TMEM63C: variants seen among roughly 807,000 people sequenced by gnomAD.
TMEM63C encodes the protein transmembrane protein 63C.
In TMEM63C, 32 loss-of-function variants were observed where a neutral mutation model predicts 99.2. The observed-to-expected ratio is 0.32, with a 90% CI of 0.24 to 0.43. TMEM63C has a LOEUF of 0.43. Ranked by LOEUF, TMEM63C falls within the 20% of genes least tolerant of loss-of-function variation. TMEM63C has a pLI of 1.00. For missense variants in TMEM63C, 826 were observed against 1,053.0 expected (o/e 0.78, Z 2.98); for synonymous variants, 376 against 397.9 (o/e 0.94, Z 0.66).
chr14:77,244,914 T>C, intron 16 of TMEM63C, among the ~76,000 whole-genome samples: 1 of 152,228 alleles, frequency 6.6e-6, no homozygotes, highest in East Asian at 1.9e-4. Flanking sequence ...CATGCCAACC[T>C]TTTACCCAAT....
At chr14:77,211,038 G>A (rs1346460391) in intron 1 of TMEM63C, among the ~76,000 whole-genome samples, 1 of 152,196 alleles carries the variant, frequency 6.6e-6, no homozygotes, top group East Asian at 1.9e-4. Context: ...GCCCTGGGCT[G>A]TGCTGGGAAA....
In TMEM63C at chr14:77,220,959, C is replaced by G. The variant is rs1190032691; in HGVS notation, c.312+872C>G. 5.5e-3 allele frequency among the ~76,000 whole-genome samples: 69 copies of G among 12,602 alleles called. 17 individuals are homozygous for G. The highest frequency in any genetic ancestry group is 0.012 in the South Asian group (4 of 330). The allele number at this position is 12,602 out of a possible 152,430, so 8.3% of individuals were successfully genotyped here. ...ACGCCTCCCCTCCCACTCTCGCCTC[C>G]CCTCCCACTCTCGCCTCCCCTCCCA... On this transcript the variant is annotated intron_variant, in intron 5 of 23. Coordinates refer to ENST00000298351, the MANE Select transcript of TMEM63C (RefSeq NM_020431.4).
rs1378673492 is a variant in TMEM63C at position 77,257,270 on chromosome 14, A to G, written c.*544A>G. On this transcript the variant is annotated 3_prime_UTR_variant, in exon 24 of 24. Coordinates refer to ENST00000298351, the MANE Select transcript of TMEM63C (RefSeq NM_020431.4). ...CAGGGTTCCCTGCATGGGGATCTGTAAAGAGAAAGTTTCTGCACCCACCAG... is the reference window on the plus strand; with the variant it reads ...CAGGGTTCCCTGCATGGGGATCTGTGAAGAGAAAGTTTCTGCACCCACCAG... 1 of 154,110 alleles carries G rather than the reference A, an allele frequency of 6.5e-6. No homozygotes were observed. The highest frequency in any genetic ancestry group is 1.9e-4 in the East Asian group (1 of 5,222). 9.5% of individuals were successfully genotyped at this position (154,110 alleles called of 1,614,324 possible).
At chr14:77,253,630 G>A (rs1889411715) in intron 23 of TMEM63C, among the ~76,000 whole-genome samples, 1 of 152,232 alleles carries the variant, frequency 6.6e-6, no homozygotes, top group South Asian at 2.1e-4. Context: ...ACCTAGAGAG[G>A]AAGTACTTGG....
intron 1 of TMEM63C, among the ~76,000 whole-genome samples, chr14:77,204,133 T>A (rs1888355549): frequency 6.6e-6 from 1 of 152,240 alleles, no homozygotes; most frequent in Non-Finnish European, 1.5e-5. Context: ...TGGGGACTTG[T>A]TACCACGGAG....
intron 5 of TMEM63C, among the ~76,000 whole-genome samples, chr14:77,220,862 ACGCCC>A (rs1436795826): frequency 2.5e-5 from 3 of 121,424 alleles, no homozygotes; most frequent in Non-Finnish European, 3.4e-5. Flanking sequence ...CCTCTCACTC[ACGCCC>A]CGCCTCCCAC....
In TMEM63C at chr14:77,257,066, G is replaced by C; in HGVS notation, c.*340G>C. On this transcript the variant is annotated 3_prime_UTR_variant, in exon 24 of 24. Transcript: ENST00000298351. The stretch of plus-strand genomic sequence containing the variant: ...TGGAGAAGGTGTTCCTAAGGGAGGA[G>C]ACAGAAGGAGGCTGCCGAAGGCTCT... The C allele has an allele frequency of 3.9e-6, 1 of 257,960 alleles. No homozygotes were observed. Among genetic ancestry groups the C allele is most frequent in the East Asian group, 8.8e-5 (1 of 11,382 alleles). 16.0% of individuals were successfully genotyped at this position (257,960 alleles called of 1,614,324 possible). A position where few individuals can be genotyped will look rare whatever the true frequency, so the allele number is the denominator to read the frequency against.
chr14:77,216,306 C>T (rs1189759381), intron 2 of TMEM63C, among the ~76,000 whole-genome samples: 1 of 152,194 alleles, frequency 6.6e-6, no homozygotes, highest in Non-Finnish European at 1.5e-5. Flanking sequence ...TTCTCTGTTT[C>T]CTCCTCCCCT....
At chr14:77,190,190 T>A (rs1361043758) in intron 1 of TMEM63C, among the ~76,000 whole-genome samples, 1 of 152,178 alleles carries the variant, frequency 6.6e-6, no homozygotes, top group Non-Finnish European at 1.5e-5. Context: ...CTGAAACTGA[T>A]GATTTTTTGG....
chr14:77,194,332 ATATATG>A (rs1391088249), intron 1 of TMEM63C, among the ~76,000 whole-genome samples: 1,068 of 59,394 alleles, frequency 0.018, 12 homozygotes, highest in African/African-American at 0.061. Flanking sequence ...ATAGATATAT[ATATATG>A]TGTGTGTGTG....
intron 1 of TMEM63C, among the ~76,000 whole-genome samples, chr14:77,209,467 G>A (rs1220127573): frequency 1.3e-5 from 2 of 152,156 alleles, no homozygotes; most frequent in Non-Finnish European, 2.9e-5. Flanking sequence ...GGCCTACTAC[G>A]TGATGGTCTT....
chr14:77,242,583 A>T, intron 14 of TMEM63C, 114 bp downstream of exon 14: 4 of 1,372,908 alleles, frequency 2.9e-6, no homozygotes, highest in Non-Finnish European at 4.0e-6. Flanking sequence ...CAAGGGGACT[A>T]AGTTCCATGC....
chr14:77,243,195 G>A, intron 15 of TMEM63C, 139 bp downstream of exon 15: 2 of 1,036,262 alleles, frequency 1.9e-6, no homozygotes, highest in Non-Finnish European at 2.7e-6. Flanking sequence ...TGGCCATGGT[G>A]CAAATGGCGG....
chr14:77,236,646 A>G lies in TMEM63C; in HGVS notation c.565A>G (p.Ser189Gly). ...CAGGAGCAAGCTCCTGTGGCTGCAT[A>G]GCCTGCTGTCCTTCTTCTACTTCAT... ...STESKLLWLH[S>G]LLSFFYFITN... is the part of the protein sequence containing the mutation. The change falls in exon 9 of 24, where the codon AGC (serine) becomes GGC (glycine). Residue 189 changes from serine to glycine, a missense_variant. Coordinates refer to ENST00000298351, the MANE Select transcript of TMEM63C (RefSeq NM_020431.4). The G allele has an allele frequency of 1.2e-6, 2 of 1,612,542 alleles. No homozygotes were observed. The highest frequency in any genetic ancestry group is 1.7e-6 in the Non-Finnish European group (2 of 1,179,238).
At chr14:77,252,051 C>T (rs369174572) in intron 22 of TMEM63C, among the ~76,000 whole-genome samples, 153 bp downstream of exon 22, 4 of 141,462 alleles carry the variant, frequency 2.8e-5, no homozygotes, top group East Asian at 3.9e-4. Flanking sequence ...AGTGTGCATG[C>T]GTGCATGCAT....
At chr14:77,236,501 G>A in intron 8 of TMEM63C, 123 bp from the exon 9 acceptor site, 1 of 689,558 alleles carries the variant, frequency 1.5e-6, no homozygotes. Context: ...GGGGTCTGAG[G>A]AGACTGTGAT....
At chr14:77,215,614 A>AAAAAAAAAAAAAAGAAAAG (rs772701077) in intron 2 of TMEM63C, among the ~76,000 whole-genome samples, 1 of 76,528 alleles carries the variant, frequency 1.3e-5, no homozygotes, top group Non-Finnish European at 2.4e-5. Flanking sequence ...AAAAAAAAAA[A>AAAAAAAAAAAAAAGAAAAG]AAAAGAAAAG....
chr14:77,233,166 C>T (rs537783928), intron 7 of TMEM63C, among the ~76,000 whole-genome samples: 1 of 152,282 alleles, frequency 6.6e-6, no homozygotes, highest in South Asian at 2.1e-4. Flanking sequence ...CTGGTGCCTC[C>T]AACAAGCATT....
intron 9 of TMEM63C, among the ~76,000 whole-genome samples, chr14:77,238,150 C>G (rs538894314): frequency 1.1e-4 from 16 of 152,330 alleles, no homozygotes; most frequent in African/African-American, 3.1e-4. Context: ...TTCCCATTCA[C>G]AGAATAAAGT....
Sources: gnomAD v4.1 joint callset for allele counts (sites outside exome capture counted in the v4.1 genomes callset) on GRCh38, gnomAD v4.1.1 for gene constraint, MANE v1.5 for transcripts, NCBI Gene and HGNC (gene_info 2026-07-23, HGNC 2026-07-21) for gene names.